MED12: variants seen among roughly 807,000 people sequenced by gnomAD.
The protein encoded by MED12 is mediator of RNA polymerase II transcription subunit 12.
Under a neutral mutation model 177.7 loss-of-function variants are expected in MED12, and 10 were observed. The ratio of observed to expected loss-of-function variants is 0.06; its 90% CI spans 0.03 to 0.10. MED12 has a LOEUF of 0.10. MED12 is among the 10% of genes least tolerant of loss of function. The probability of loss-of-function intolerance (pLI) is 1.00; values close to 1 mark genes in which losing one functional copy is unlikely to be tolerated. For missense variants in MED12, 867 were observed against 1,780.8 expected (o/e 0.49, Z 9.23); for synonymous variants, 641 against 678.4 (o/e 0.94, Z 0.86).
In MED12 at chrX:71,122,763, T is replaced by C; in HGVS notation, c.1374T>C (p.His458=). ...TAGFTIGRVL[H]TLEVLDSHSF... ...GCTTCACCATTGGACGGGTACTTCA[T>C]ACTTTGGAAGTGCTGGACAGCCATA... Residue 458 remains histidine (H), a synonymous_variant, in exon 10 of 45, where the codon CAT becomes CAC. Transcript: ENST00000374080. The C allele has an allele frequency of 3.3e-6, 4 of 1,211,940 alleles. No homozygotes were observed. The East Asian group carries it at 8.9e-5, about 27-fold the overall frequency.
Position 71,132,775 on chromosome X carries a change from C to CTTCTT in MED12, c.4416-66_4416-65insTTTCT, listed in dbSNP as rs1242079567. On this transcript the variant is annotated intron_variant, in intron 31 of 44. Coordinates refer to ENST00000374080, the MANE Select transcript of MED12 (RefSeq NM_005120.3). ...CTCCTCTCCTCTTCTCTCCTCTTCT[C>CTTCTT]TTCTCTTCTCTTCTCTTCTCTTCTC... 666 of 253,771 alleles carry CTTCTT rather than the reference C, an allele frequency of 2.6e-3. No homozygotes were observed. The highest frequency in any genetic ancestry group is 4.1e-3 in the Non-Finnish European group (560 of 137,305). The allele number at this position is 253,771 out of a possible 1,213,427, so 20.9% of individuals were successfully genotyped here. A position where few individuals can be genotyped will look rare whatever the true frequency, so the allele number is the denominator to read the frequency against.
chrX:71,121,842 G>T (rs1036703145), intron 7 of MED12, 26 bp downstream of exon 7: 1 of 1,211,814 alleles, frequency 8.3e-7, no homozygotes, highest in Non-Finnish European at 1.1e-6. Context: ...GCCCAAGGAA[G>T]CATTGAGAGA....
At chrX:71,129,511 C>T in intron 26 of MED12, 82 bp downstream of exon 26, 1 of 946,847 alleles carries the variant, frequency 1.1e-6, no homozygotes, top group Non-Finnish European at 1.5e-6. Flanking sequence ...GTCTTTCTCC[C>T]TTCTGAAGGT....
intron 1 of MED12, among the ~76,000 whole-genome samples, 189 bp downstream of exon 1, chrX:71,119,042 G>C (rs1464554106): frequency 9.2e-6 from 1 of 108,407 alleles, no homozygotes; most frequent in Non-Finnish European, 1.9e-5. Flanking sequence ...GTATGAATAG[G>C]GGGTGGTGTA....
chrX:71,125,174 T>A (rs943433178), intron 15 of MED12, 28 bp downstream of exon 15: 1 of 1,207,352 alleles, frequency 8.3e-7, no homozygotes, highest in Non-Finnish European at 1.1e-6. Flanking sequence ...CTTGTGATGA[T>A]CTGTTTTGAA....
chrX:71,135,338 A>G (rs1481435339), intron 36 of MED12, 85 bp downstream of exon 36: 43 of 1,048,606 alleles, frequency 4.1e-5, no homozygotes, highest in Non-Finnish European at 5.7e-5. Flanking sequence ...TAGCTCCAAC[A>G]GACTCATCAG....
Position 71,135,285 on chromosome X carries a change from C to T in MED12, c.5025+32C>T, listed in dbSNP as rs199897402. The stretch of plus-strand genomic sequence containing the variant: ...TCCATTGTCTGCCCGTGTCCCTTGC[C>T]TTTTTTCCCCTTTGGGCAAGAACTT... On this transcript the variant is annotated intron_variant, in intron 36 of 44. Coordinates refer to ENST00000374080, the MANE Select transcript of MED12 (RefSeq NM_005120.3). The T allele has an allele frequency of 9.4e-4, 1,134 of 1,207,119 alleles. 5 individuals are homozygous for T. Among genetic ancestry groups the T allele is most frequent in the Non-Finnish European group, 3.0e-4 (265 of 892,265 alleles).
chrX:71,137,773 C>T lies in MED12; in HGVS notation c.5874C>T (p.Gly1958=), dbSNP rs370235478. 2.5e-6 allele frequency: 3 copies of T among 1,209,038 alleles called. No homozygotes were observed. The African/African-American group carries it at 5.3e-5, about 21-fold the overall frequency. ...VSHVGLQQHT[G]PAGTMVPPSY... ...ATGTGGGATTGCAGCAACACACAGG[C>T]CCTGCAGGTACCATGGTGCCCCCCA... The change falls in exon 41 of 45, where the codon GGC becomes GGT. Residue 1958 remains glycine, a synonymous_variant. Transcript: ENST00000374080.
intron 1 of MED12, 96 bp from the exon 2 acceptor site, chrX:71,119,277 C>T (rs749991840): frequency 1.6e-6 from 1 of 617,527 alleles, no homozygotes; most frequent in East Asian, 3.6e-5. Flanking sequence ...TCCTCCTGCC[C>T]TTTCACCTTG....
intron 29 of MED12, 65 bp from the exon 30 acceptor site, chrX:71,132,008 A>T: frequency 9.6e-7 from 1 of 1,037,345 alleles, no homozygotes; most frequent in Non-Finnish European, 1.4e-6. Flanking sequence ...GATCTCTCCT[A>T]CCATCTGCTT....
At chrX:71,127,550 G>A in intron 21 of MED12, 83 bp downstream of exon 21, 2 of 907,888 alleles carry the variant, frequency 2.2e-6, no homozygotes, top group Non-Finnish European at 3.2e-6. Context: ...GGAGAGGATG[G>A]CCCGGGACCC....
In MED12 at chrX:71,137,302, A is replaced by C. The variant is rs1478307017; in HGVS notation, c.5667A>C (p.Glu1889Asp). 1 of 1,211,014 alleles carries C rather than the reference A, an allele frequency of 8.3e-7. No homozygotes were observed. Among genetic ancestry groups the C allele is most frequent in the Non-Finnish European group, 1.1e-6 (1 of 895,279 alleles). The part of the protein sequence containing the change: ...PTTMTGVMGL[E>D]PSSYKTSVYR... ...CCATGACTGGCGTCATGGGTTTAGA[A>C]CCCTCCTCTTATAAGACCTCTGTGT... Residue 1889 changes from glutamate to aspartate, a missense_variant, in exon 39 of 45, where the codon GAA (glutamate) becomes GAC (aspartate). By Grantham distance (45) the Glu-to-Asp change is conservative. This residue lies in a region of MED12 where 236 missense variants were observed against 345.2 expected (regional missense o/e 0.68). Transcript: ENST00000374080.
intron 41 of MED12, 118 bp from the exon 42 acceptor site, chrX:71,140,517 C>T (rs2092344131): frequency 3.7e-5 from 43 of 1,171,452 alleles, no homozygotes; most frequent in South Asian, 7.3e-5. Context: ...GTTAGTGACA[C>T]GAGGAATGAA....
rs5030619 is a variant in MED12, at chrX:71,130,097, A to C, written c.3930A>C (p.Pro1310=). The change falls in exon 28 of 45, where the codon CCA becomes CCC. Residue 1310 remains proline, a synonymous_variant. Transcript: ENST00000374080. ...LCEDSNDLQD[P]VLSSAQAQRL... is the part of the protein sequence containing the mutation. ...AGGACAGCAATGACCTGCAAGACCC[A>C]GTGTTGAGTAGTGCCCAGGCGCAGC... is the stretch of plus-strand genomic sequence containing the variant. 338,495 of 1,206,739 alleles carry C rather than the reference A, an allele frequency of 0.28. 36,144 individuals are homozygous for C. The highest frequency in any genetic ancestry group is 0.41 in the Middle Eastern group (1,767 of 4,320).
intron 33 of MED12, 69 bp downstream of exon 33, chrX:71,133,281 G>A (rs1332775315): frequency 2.6e-6 from 2 of 768,102 alleles, no homozygotes; most frequent in African/African-American, 4.1e-5. Flanking sequence ...AAAGCCTCAG[G>A]TTGGGGAGAA....
At position 71,123,703 on chromosome X, in the gene MED12, C is replaced by A; in HGVS notation, c.1727C>A (p.Thr576Lys). ...GATGTCCTCCTGCAGTTTCTGGATACACAGGCTCCCATGCTGAGTACGGAC... is the reference window on the plus strand; with the variant it reads ...GATGTCCTCCTGCAGTTTCTGGATAAACAGGCTCCCATGCTGAGTACGGAC... Reference protein sequence around the residue: ...FQDVLLQFLDTQAPMLTDPRS... With the variant: ...FQDVLLQFLDKQAPMLTDPRS... Residue 576 changes from threonine to lysine, a missense_variant, in exon 12 of 45, where the codon ACA (threonine) becomes AAA (lysine). Coordinates refer to ENST00000374080, the MANE Select transcript of MED12 (RefSeq NM_005120.3). 3 of 1,200,422 alleles carry A rather than the reference C, an allele frequency of 2.5e-6. No individual in the cohort carries two copies. Among genetic ancestry groups the A allele is most frequent in the Non-Finnish European group, 3.4e-6 (3 of 889,227 alleles).
intron 42 of MED12, 100 bp downstream of exon 42, chrX:71,140,957 C>A (rs2092345866): frequency 8.5e-7 from 1 of 1,177,882 alleles, no homozygotes; most frequent in Non-Finnish European, 1.1e-6. Context: ...GGCAGTGTAC[C>A]AAAACACCTA....
Position 71,125,036 on chromosome X carries a change from G to A in MED12, c.2116G>A (p.Val706Ile), listed in dbSNP as rs1300750523. ...KGSPSPEKPD[V>I]EKEVKPPPKE... ...CAGTCCATCCCCTGAGAAGCCAGAT[G>A]TCGAGAAGGAGGTGAAGCCCCCACC... The change falls in exon 15 of 45, where the codon GTC (valine) becomes ATC (isoleucine). Residue 706 changes from valine (V) to isoleucine (I), a missense_variant. Val to Ile is a conservative substitution (Grantham distance 29, BLOSUM62 3). This residue lies in a region of MED12 where 309 missense variants were observed against 556.3 expected (regional missense o/e 0.56). Transcript: ENST00000374080. 2 of 1,208,732 alleles carry A rather than the reference G, an allele frequency of 1.7e-6. No homozygotes were observed. Among genetic ancestry groups the A allele is most frequent in the Non-Finnish European group, 2.2e-6 (2 of 894,944 alleles).
intron 14 of MED12, 37 bp downstream of exon 14, chrX:71,124,881 T>G (rs1207250044): frequency 8.4e-7 from 1 of 1,187,126 alleles, no homozygotes; most frequent in African/African-American, 1.8e-5. Context: ...ATCTGGATCC[T>G]TGGATCTTCC....
Sources: allele counts gnomAD v4.1 joint callset (sites outside exome capture counted in the v4.1 genomes callset), GRCh38; gene constraint gnomAD v4.1.1; regional missense constraint gnomAD v4.1.1; transcripts MANE v1.5; gene names NCBI Gene and HGNC (gene_info 2026-07-23, HGNC 2026-07-21).